HSPA2: variants seen among roughly 807,000 people sequenced by gnomAD.
The protein encoded by HSPA2 is heat shock-related 70 kDa protein 2.
A neutral mutation model predicts 35.0 loss-of-function variants in HSPA2; 13 were observed. The ratio of observed to expected loss-of-function variants is 0.37; its 90% CI spans 0.24 to 0.59. The LOEUF (loss-of-function observed/expected upper bound fraction) is 0.59. Ranked by LOEUF, HSPA2 falls within the 20% of genes least tolerant of loss-of-function variation. The pLI, the probability that HSPA2 is intolerant of heterozygous loss-of-function variation, is 0.70. For missense variants in HSPA2, 565 were observed against 885.4 expected, an observed-to-expected ratio of 0.64 and a Z score of 4.59; for synonymous variants, 368 against 382.1, an observed-to-expected ratio of 0.96 and a Z score of 0.43.
Position 64,542,812 on chromosome 14 carries a change from C to T in HSPA2, c.*43C>T. On this transcript the variant is annotated 3_prime_UTR_variant, in exon 1 of 1. Coordinates refer to ENST00000247207, the MANE Select transcript of HSPA2 (RefSeq NM_021979.4). The surrounding 1 kb of genome is among the most constrained non-coding windows in gnomAD (Gnocchi z 5.7). ...CGTAAACCTCTTTGCCTTTCTCTCT[C>T]TCTCTTTTTTTTTGTTTGTTTCTTT... 1.4e-6 allele frequency: 2 copies of T among 1,446,046 alleles called. No individual in the cohort carries two copies. The highest frequency in any genetic ancestry group is 1.8e-6 in the Non-Finnish European group (2 of 1,100,282). 89.6% of individuals were successfully genotyped at this position (1,446,046 alleles called of 1,614,324 possible).
upstream of HSPA2, among the ~76,000 whole-genome samples, chr14:64,537,150 G>A (rs1396321814): frequency 6.6e-6 from 1 of 152,104 alleles, no homozygotes; most frequent in East Asian, 1.9e-4. Flanking sequence ...CTTTGTTTCA[G>A]TTGTAGCTGA....
In HSPA2 at chr14:64,540,939, C is replaced by T. The variant is rs1596713368; in HGVS notation, c.90C>T (p.Ile30=). 2 of 1,614,174 alleles carry T rather than the reference C, an allele frequency of 1.2e-6. No homozygotes were observed. Among genetic ancestry groups the T allele is most frequent in the East Asian group, 2.2e-5 (1 of 44,876 alleles). ...TCCAACATGGCAAGGTGGAGATCATCGCCAACGACCAGGGCAATCGCACCA... is the reference window on the plus strand; with the variant it reads ...TCCAACATGGCAAGGTGGAGATCATTGCCAACGACCAGGGCAATCGCACCA... The part of the protein sequence containing the change: ...GVFQHGKVEI[I]ANDQGNRTTP... Residue 30 remains isoleucine (I), a synonymous_variant, in exon 1 of 1, where the codon ATC becomes ATT. Transcript: ENST00000247207.
upstream of HSPA2, among the ~76,000 whole-genome samples, chr14:64,537,032 CTATG>C (rs1031811171): frequency 6.6e-6 from 1 of 152,160 alleles, no homozygotes; most frequent in Non-Finnish European, 1.5e-5. Context: ...TTTAGTGATT[CTATG>C]TGAGAACTCT....
In HSPA2 at chr14:64,540,844, G is replaced by T; in HGVS notation, c.-6G>T. ...CCGTCCTAACGTCGCTCGCCTTTCA[G>T]TCAGGATGTCTGCCCGTGGCCCGGC... On this transcript the variant is annotated 5_prime_UTR_variant, in exon 1 of 1. Coordinates refer to ENST00000247207, the MANE Select transcript of HSPA2 (RefSeq NM_021979.4). 6.2e-7 allele frequency: 1 copy of T among 1,613,930 alleles called. No homozygotes were observed. The highest frequency in any genetic ancestry group is 8.5e-7 in the Non-Finnish European group (1 of 1,179,856).
rs1330454759 is a variant in HSPA2, at chr14:64,542,451, G to A, written c.1602G>A (p.Ala534=). ...AGCGGTACAAATCGGAAGATGAGGCGAATCGCGACCGAGTCGCGGCCAAAA... is the reference window on the plus strand; with the variant it reads ...AGCGGTACAAATCGGAAGATGAGGCAAATCGCGACCGAGTCGCGGCCAAAA... The part of the protein sequence containing the change: ...EAERYKSEDE[A]NRDRVAAKNA... Residue 534 remains alanine (A), a synonymous_variant, in exon 1 of 1, where the codon GCG becomes GCA. Coordinates refer to ENST00000247207, the MANE Select transcript of HSPA2 (RefSeq NM_021979.4). The surrounding 1 kb of genome is among the most constrained non-coding windows in gnomAD (Gnocchi z 5.7). 3 of 1,613,794 alleles carry A rather than the reference G, an allele frequency of 1.9e-6. No homozygotes were observed. The South Asian group carries it at 3.3e-5, about 18-fold the overall frequency.
chr14:64,540,092 C>T (rs1306463510), upstream of HSPA2, among the ~76,000 whole-genome samples: 1 of 152,218 alleles, frequency 6.6e-6, no homozygotes, highest in South Asian at 2.1e-4. Context: ...CTTTAATCCC[C>T]GTCCAAGGGA....
At chr14:64,538,674 T>C (rs950721229), upstream of HSPA2, among the ~76,000 whole-genome samples, 3 of 152,318 alleles carry the variant, frequency 2.0e-5, no homozygotes, top group Admixed American at 6.5e-5. Context: ...TCCCAAATTA[T>C]GTTTACCTGT....
rs1254829787 is a variant in HSPA2 at position 64,542,520 on chromosome 14, A to G, written c.1671A>G (p.Glu557=). Residue 557 remains glutamate (E), a synonymous_variant, in exon 1 of 1, where the codon GAA becomes GAG. Coordinates refer to ENST00000247207, the MANE Select transcript of HSPA2 (RefSeq NM_021979.4). The surrounding 1 kb of genome is among the most constrained non-coding windows in gnomAD (Gnocchi z 5.7). ...SYTYNIKQTV[E]DEKLRGKISE... ...CCTACAACATCAAGCAGACGGTGGA[A>G]GACGAGAAACTGAGGGGCAAGATTA... is the stretch of plus-strand genomic sequence containing the variant. The G allele has an allele frequency of 6.2e-7, 1 of 1,613,360 alleles. No individual in the cohort carries two copies. Among genetic ancestry groups the G allele is most frequent in the Non-Finnish European group, 8.5e-7 (1 of 1,179,966 alleles).
At chr14:64,540,562 G>A, upstream of HSPA2, 1 of 467,608 alleles carries the variant, frequency 2.1e-6, no homozygotes, top group Non-Finnish European at 3.8e-6. Context: ...GTCTCCTGGC[G>A]GGGGCCGGAG....
upstream of HSPA2, chr14:64,540,496 C>A: frequency 3.5e-6 from 1 of 286,290 alleles, no homozygotes; most frequent in Non-Finnish European, 6.6e-6. Flanking sequence ...CGAGGCACCA[C>A]GGCCTGGCGG....
chr14:64,536,812 C>T (rs990081705), upstream of HSPA2, among the ~76,000 whole-genome samples: 2 of 152,044 alleles, frequency 1.3e-5, no homozygotes, highest in Admixed American at 1.3e-4. Context: ...GCTTAGGATG[C>T]CTCTTAAACT....
chr14:64,541,048 A>T lies in HSPA2; in HGVS notation c.199A>T (p.Thr67Ser). Residue 67 changes from threonine (T) to serine (S), a missense_variant, in exon 1 of 1, where the codon ACC (threonine) becomes TCC (serine). This residue lies in a region of HSPA2 where 183 missense variants were observed against 281.6 expected (regional missense o/e 0.65). Coordinates refer to ENST00000247207, the MANE Select transcript of HSPA2 (RefSeq NM_021979.4). ...KNQVAMNPTN[T>S]IFDAKRLIGR... ...CCAGGTGGCCATGAACCCCACCAAC[A>T]CCATCTTCGACGCCAAGAGGCTGAT... is the stretch of plus-strand genomic sequence containing the variant. The T allele has an allele frequency of 1.2e-6, 2 of 1,614,146 alleles. No individual in the cohort carries two copies. The highest frequency in any genetic ancestry group is 8.5e-7 in the Non-Finnish European group (1 of 1,180,022).
rs752512909 is a variant in HSPA2 at position 64,542,262 on chromosome 14, T to C, written c.1413T>C (p.Pro471=). The C allele has an allele frequency of 2.5e-6, 4 of 1,613,776 alleles. No homozygotes were observed. In the Admixed American group the frequency reaches 6.7e-5, roughly 27 times the overall value. The change falls in exon 1 of 1, where the codon CCT becomes CCC. Residue 471 remains proline, a synonymous_variant. Transcript: ENST00000247207. The surrounding 1 kb of genome is among the most constrained non-coding windows in gnomAD (Gnocchi z 5.7). ...KFDLTGIPPA[P]RGVPQIEVTF... is the part of the protein sequence containing the mutation. ...ACCTGACCGGGATTCCCCCTGCGCC[T>C]CGCGGGGTCCCCCAAATCGAGGTTA...
rs1156431643 is a variant in HSPA2 at position 64,541,782 on chromosome 14, C to T, written c.933C>T (p.Asp311=). 6.2e-7 allele frequency: 1 copy of T among 1,613,382 alleles called. No homozygotes were observed. The change falls in exon 1 of 1, where the codon GAC becomes GAT. Residue 311 remains aspartate (D), a synonymous_variant. Coordinates refer to ENST00000247207, the MANE Select transcript of HSPA2 (RefSeq NM_021979.4). ...CCCGCTTCGAGGAGCTCAATGCCGA[C>T]CTCTTTCGCGGGACCCTGGAGCCGG... The part of the protein sequence containing the change: ...TRARFEELNA[D]LFRGTLEPVE...
At chr14:64,538,515 G>A (rs147398993), upstream of HSPA2, among the ~76,000 whole-genome samples, 1 of 152,332 alleles carries the variant, frequency 6.6e-6, no homozygotes, top group African/African-American at 2.4e-5. Context: ...CACAACCTAT[G>A]TAAAGAATGG....
At position 64,542,441 on chromosome 14, in the gene HSPA2, A is replaced by C; in HGVS notation, c.1592A>C (p.Glu531Ala). The change falls in exon 1 of 1, where the codon GAA becomes GCA. Residue 531 changes from glutamate (E) to alanine (A), a missense_variant. Physicochemically the swap from Glu to Ala is moderately radical, Grantham distance 107. Around this residue, in one of 4 missense-constraint regions of HSPA2, gnomAD observed 147 missense variants for 166.7 expected, o/e 0.88. Coordinates refer to ENST00000247207, the MANE Select transcript of HSPA2 (RefSeq NM_021979.4). This position sits in a 1 kb window ranked among gnomAD's most constrained non-coding sequence, Gnocchi z 5.7. ...CAGGAGGCGGAGCGGTACAAATCGG[A>C]AGATGAGGCGAATCGCGACCGAGTC... ...MVQEAERYKS[E>A]DEANRDRVAA... 1 of 1,613,926 alleles carries C rather than the reference A, an allele frequency of 6.2e-7. No homozygotes were observed. Among genetic ancestry groups the C allele is most frequent in the Non-Finnish European group, 8.5e-7 (1 of 1,180,014 alleles).
At chr14:64,537,465 A>G (rs905192749), upstream of HSPA2, among the ~76,000 whole-genome samples, 8 of 151,916 alleles carry the variant, frequency 5.3e-5, no homozygotes, top group Non-Finnish European at 7.4e-5. Context: ...GCTGGTGCAC[A>G]TAAGTAACCC....
In HSPA2 at chr14:64,541,269, G is replaced by A. The variant is rs202236589; in HGVS notation, c.420G>A (p.Val140=). ...CGGAAGCCTACCTGGGGGGCAAGGTGCACAGCGCGGTCATAACGGTCCCGG... is the reference window on the plus strand; with the variant it reads ...CGGAAGCCTACCTGGGGGGCAAGGTACACAGCGCGGTCATAACGGTCCCGG... ...EIAEAYLGGK[V]HSAVITVPAY... The change falls in exon 1 of 1, where the codon GTG becomes GTA. Residue 140 remains valine (V), a synonymous_variant. Transcript: ENST00000247207. 5.0e-6 allele frequency: 8 copies of A among 1,613,664 alleles called. No homozygotes were observed. In the African/African-American group the frequency reaches 6.7e-5, roughly 13 times the overall value.
In HSPA2 at chr14:64,542,768, A is replaced by G; in HGVS notation, c.1919A>G (p.Ter640=). Residue 640 remains the stop codon, a stop_retained_variant, in exon 1 of 1, where the codon TAA becomes TGA. Coordinates refer to ENST00000247207, the MANE Select transcript of HSPA2 (RefSeq NM_021979.4). The surrounding 1 kb of genome is among the most constrained non-coding windows in gnomAD (Gnocchi z 5.7). Reference sequence around the variant, plus strand: ...GGACCCACCATCGAAGAAGTGGACTAAGCTTGCACTCAAGTCAGCGTAAAC... The same window carrying G: ...GGACCCACCATCGAAGAAGTGGACTGAGCTTGCACTCAAGTCAGCGTAAAC... ...SGGPTIEEVD[*] is the part of the protein sequence containing the mutation. 6.2e-7 allele frequency: 1 copy of G among 1,601,652 alleles called. No individual in the cohort carries two copies. Among genetic ancestry groups the G allele is most frequent in the East Asian group, 2.2e-5 (1 of 44,562 alleles).
Sources: allele counts gnomAD v4.1 joint callset (sites outside exome capture counted in the v4.1 genomes callset), GRCh38; gene constraint gnomAD v4.1.1; regional missense constraint gnomAD v4.1.1; non-coding constraint Gnocchi (gnomAD v3.1); transcripts MANE v1.5; gene names NCBI Gene and HGNC (gene_info 2026-07-23, HGNC 2026-07-21).